NEK11: variants seen among roughly 807,000 people sequenced by gnomAD.
The protein encoded by NEK11 is serine/threonine-protein kinase Nek11.
NEK11 carries 72 observed loss-of-function variants against 80.7 expected under a neutral mutation model. The observed-to-expected ratio is 0.89, with a 90% CI of 0.74 to 1.08. The LOEUF is 1.08. NEK11 is among the 50% of genes least tolerant of loss of function. The pLI is 0.00. For synonymous variants in NEK11, 251 were observed against 260.7 expected (o/e 0.96, Z 0.36); for missense variants, 764 against 763.6 (o/e 1.00, Z -0.01).
chr3:131,257,801 A>G (rs1580999715), intron 16 of NEK11, among the ~76,000 whole-genome samples: 1 of 152,190 alleles, frequency 6.6e-6, no homozygotes, highest in East Asian at 1.9e-4. Flanking sequence ...CTACCATTCA[A>G]TCCAGCAATC....
intron 16 of NEK11, among the ~76,000 whole-genome samples, chr3:131,267,471 A>G (rs1178179125): frequency 6.6e-6 from 1 of 152,238 alleles, no homozygotes; most frequent in Non-Finnish European, 1.5e-5. Flanking sequence ...TGGATATGAC[A>G]TTCTGGGTTG....
At chr3:131,172,357 T>C (rs2092744274) in intron 14 of NEK11, among the ~76,000 whole-genome samples, 1 of 152,204 alleles carries the variant, frequency 6.6e-6, no homozygotes, top group Non-Finnish European at 1.5e-5. Flanking sequence ...AGAATTAAGG[T>C]AGTGAACCTT....
chr3:131,261,855 A>G (rs2095927784), intron 16 of NEK11, among the ~76,000 whole-genome samples: 1 of 152,166 alleles, frequency 6.6e-6, no homozygotes, highest in Admixed American at 6.6e-5. Flanking sequence ...ACTCCCACCT[A>G]TTGAGCATAT....
intron 14 of NEK11, among the ~76,000 whole-genome samples, chr3:131,211,725 C>T: frequency 6.6e-6 from 1 of 152,178 alleles, no homozygotes. Flanking sequence ...ATTTAATCTT[C>T]AACCACTGAT....
chr3:131,339,732 G>T (rs1045772233), intron 17 of NEK11, among the ~76,000 whole-genome samples: 1 of 152,140 alleles, frequency 6.6e-6, no homozygotes, highest in African/African-American at 2.4e-5. Flanking sequence ...GGAACAGATT[G>T]CATGGAAGAA....
At chr3:131,349,450 A>T in intron 17 of NEK11, 107 bp from the exon 18 acceptor site, 2 of 950,312 alleles carry the variant, frequency 2.1e-6, no homozygotes, top group Admixed American at 5.4e-5. Context: ...CTTTTTTTCT[A>T]AATCCCAGAA....
intron 17 of NEK11, among the ~76,000 whole-genome samples, chr3:131,324,936 T>C (rs1456066056): frequency 1.3e-5 from 2 of 152,216 alleles, no homozygotes; most frequent in Non-Finnish European, 2.9e-5. Context: ...CCTCTCTGGA[T>C]TGTGCTCCAA....
chr3:131,281,196 G>A (rs185338108), intron 17 of NEK11, among the ~76,000 whole-genome samples: 55 of 152,152 alleles, frequency 3.6e-4, no homozygotes, highest in African/African-American at 1.2e-3. Context: ...GTTTCCATGG[G>A]TCCAAAGTCA....
At chr3:131,066,707 T>C (rs186642076) in intron 3 of NEK11, among the ~76,000 whole-genome samples, 2 of 151,940 alleles carry the variant, frequency 1.3e-5, no homozygotes, top group Non-Finnish European at 2.9e-5. Context: ...CCAGGCATGG[T>C]GGCACATGCC....
intron 16 of NEK11, among the ~76,000 whole-genome samples, chr3:131,272,195 T>C (rs997072872): frequency 2.0e-5 from 3 of 152,214 alleles, no homozygotes; most frequent in African/African-American, 7.2e-5. Flanking sequence ...GCACATGTTA[T>C]ATGAGATATG....
chr3:131,319,015 G>T (rs2096871644), intron 17 of NEK11, among the ~76,000 whole-genome samples: 1 of 151,634 alleles, frequency 6.6e-6, no homozygotes, highest in Non-Finnish European at 1.5e-5. Flanking sequence ...GGGTTTTTGG[G>T]TTGTTTTCAG....
intron 3 of NEK11, among the ~76,000 whole-genome samples, chr3:131,059,035 G>A (rs916065310): frequency 6.6e-6 from 1 of 152,098 alleles, no homozygotes; most frequent in Admixed American, 6.6e-5. Context: ...TCAAAAGAAA[G>A]ATTAAAAAAA....
At chr3:131,096,844 C>T (rs1437188035) in intron 4 of NEK11, among the ~76,000 whole-genome samples, 1 of 150,900 alleles carries the variant, frequency 6.6e-6, no homozygotes, top group African/African-American at 2.4e-5. Flanking sequence ...ATTAACTCGT[C>T]ATTTAGCATT....
At chr3:131,163,248 A>C (rs1160459520) in intron 11 of NEK11, among the ~76,000 whole-genome samples, 1 of 152,226 alleles carries the variant, frequency 6.6e-6, no homozygotes, top group Admixed American at 6.5e-5. Context: ...CTTATATCCA[A>C]AGAAAATGAA....
At chr3:131,251,199 A>C (rs2095694754) in intron 16 of NEK11, among the ~76,000 whole-genome samples, 1 of 136,814 alleles carries the variant, frequency 7.3e-6, no homozygotes, top group Non-Finnish European at 1.5e-5. Context: ...AAAGGTAAAT[A>C]CAAAAAAAAA....
chr3:131,087,082 A>T (rs1416361881), intron 4 of NEK11, among the ~76,000 whole-genome samples: 1 of 152,080 alleles, frequency 6.6e-6, no homozygotes, highest in Non-Finnish European at 1.5e-5. Flanking sequence ...TCAATAATGA[A>T]AGTTATTATA....
chr3:131,227,150 T>G (rs1021090896), intron 14 of NEK11, among the ~76,000 whole-genome samples: 1 of 152,126 alleles, frequency 6.6e-6, no homozygotes, highest in Non-Finnish European at 1.5e-5. Context: ...TTTGAATATA[T>G]GTAATTTTTG....
intron 17 of NEK11, among the ~76,000 whole-genome samples, chr3:131,277,001 T>C (rs72991558): frequency 0.13 from 19,415 of 152,214 alleles, 1,781 homozygotes; most frequent in East Asian, 0.3. Flanking sequence ...TGCAGGCCAG[T>C]TGTTTTGTAA....
intron 17 of NEK11, among the ~76,000 whole-genome samples, chr3:131,288,052 C>T (rs2096494849): frequency 6.6e-6 from 1 of 152,164 alleles, no homozygotes; most frequent in Non-Finnish European, 1.5e-5. Flanking sequence ...CCAATTTCTC[C>T]CCATCTTCTA....
Sources: gnomAD v4.1 joint callset for allele counts (sites outside exome capture counted in the v4.1 genomes callset) on GRCh38, gnomAD v4.1.1 for gene constraint, MANE v1.5 for transcripts, NCBI Gene and HGNC (gene_info 2026-07-23, HGNC 2026-07-21) for gene names.